The following PJA2 variants were observed in gnomAD, a reference collection of about 807,000 sequenced individuals.
The protein encoded by PJA2 is praja ring finger ubiquitin ligase 2, also known as E3 ubiquitin-protein ligase Praja-2.
In PJA2, 25 loss-of-function variants were observed where a neutral mutation model predicts 69.3. The ratio of observed to expected loss-of-function variants is 0.36; its 90% confidence interval spans 0.26 to 0.50. The LOEUF (loss-of-function observed/expected upper bound fraction) is 0.50, where lower values mean the gene tolerates loss of function less well. Ranked by LOEUF, PJA2 falls within the 20% of genes least tolerant of loss-of-function variation. PJA2 has a pLI of 0.96. For missense variants in PJA2, 809 were observed against 830.2 expected (o/e 0.97, Z 0.31); for synonymous variants, 308 against 277.8 (o/e 1.11, Z -1.08).
At position 109,337,271 on chromosome 5, in the gene PJA2, T is replaced by A. The variant is rs1389071727; in HGVS notation, c.2087A>T (p.Asp696Val). The A allele has an allele frequency of 6.2e-7, 1 of 1,613,592 alleles. No homozygotes were observed. The highest frequency in any genetic ancestry group is 8.5e-7 in the Non-Finnish European group (1 of 1,179,908). The change falls in exon 10 of 10, where the codon GAT becomes GTT. Residue 696 changes from aspartate to valine, a missense_variant. This residue lies in a region of PJA2 where 35 missense variants were observed against 37.0 expected (regional missense o/e 0.94). Transcript: ENST00000361189. The part of the protein sequence containing the change: ...SAAPSSEPDP[D>V]APPSNDSIAE... The stretch of plus-strand genomic sequence containing the variant: ...AATACTGTCATTTGAAGGTGGGGCA[T>A]CAGGATCAGGCTCAGAGGAAGGAGC...
chr5:109,368,302 G>A (rs1428518777), intron 5 of PJA2, among the ~76,000 whole-genome samples: 1 of 152,152 alleles, frequency 6.6e-6, no homozygotes, highest in African/African-American at 2.4e-5. Context: ...TAACCAAAAT[G>A]ACATTTTAGG....
chr5:109,367,394 A>T (rs1484097369), intron 5 of PJA2, among the ~76,000 whole-genome samples: 2 of 150,044 alleles, frequency 1.3e-5, no homozygotes, highest in Non-Finnish European at 1.5e-5. Context: ...TTCTTTTCCT[A>T]AAAAAAAACA....
Position 109,362,957 on chromosome 5 carries a change from C to T in PJA2, c.1535G>A (p.Ser512Asn), listed in dbSNP as rs1402132000. 2 of 1,613,842 alleles carry T rather than the reference C, an allele frequency of 1.2e-6. No homozygotes were observed. Among genetic ancestry groups the T allele is most frequent in the Admixed American group, 3.3e-5 (2 of 60,014 alleles). Residue 512 changes from serine to asparagine, a missense_variant, in exon 6 of 10, where the codon AGC becomes AAC. Ser to Asn is a conservative substitution (Grantham distance 46). This residue lies in a region of PJA2 where 700 missense variants were observed against 639.5 expected (regional missense o/e 1.09). Transcript: ENST00000361189. ...WLQYNEVNESSSDEGNEPANE... is the reference protein window; with the variant it reads ...WLQYNEVNESNSDEGNEPANE... ...GGCAGGTTCATTTCCCTCATCACTG[C>T]TGCTTTCATTGACTTCATTGTACTG...
At chr5:109,368,239 G>A (rs1373172651) in intron 5 of PJA2, among the ~76,000 whole-genome samples, 1 of 152,152 alleles carries the variant, frequency 6.6e-6, no homozygotes, top group Non-Finnish European at 1.5e-5. Flanking sequence ...TCCCTCTTGA[G>A]GCTGTCCTTT....
intron 7 of PJA2, among the ~76,000 whole-genome samples, chr5:109,350,973 TTC>T (rs779990893): frequency 1.3e-5 from 2 of 152,146 alleles, no homozygotes; most frequent in Non-Finnish European, 2.9e-5. Context: ...TGTTCTAACA[TTC>T]TGTTTATACT....
chr5:109,390,276 T>C (rs1383644087), intron 1 of PJA2, among the ~76,000 whole-genome samples: 1 of 152,030 alleles, frequency 6.6e-6, no homozygotes, highest in Non-Finnish European at 1.5e-5. Flanking sequence ...TGTGTTACTA[T>C]GTGAAAACAT....
At chr5:109,387,266 C>T (rs1561360896) in intron 1 of PJA2, among the ~76,000 whole-genome samples, 3 of 152,098 alleles carry the variant, frequency 2.0e-5, no homozygotes, top group South Asian at 2.1e-4. Flanking sequence ...TCTGTAGATA[C>T]TAATTATTTC....
intron 7 of PJA2, among the ~76,000 whole-genome samples, chr5:109,354,178 A>AG (rs1209613650): frequency 6.3e-5 from 9 of 143,846 alleles, no homozygotes; most frequent in Non-Finnish European, 1.2e-4. Flanking sequence ...ATGTCTATAG[A>AG]TTAGATATCT....
rs1746940355 is a variant in PJA2, at chr5:109,378,267, A to G, written c.1220T>C (p.Val407Ala). The G allele has an allele frequency of 1.9e-6, 3 of 1,613,788 alleles. No individual in the cohort carries two copies. Among genetic ancestry groups the G allele is most frequent in the Admixed American group, 1.7e-5 (1 of 59,980 alleles). Residue 407 changes from valine to alanine, a missense_variant, in exon 4 of 10, where the codon GTG becomes GCG. Coordinates refer to ENST00000361189, the MANE Select transcript of PJA2 (RefSeq NM_014819.5). ...ESGATAGRQE[V>A]DNTFWNGCGD... ...ACAGCCATTCCAAAAGGTGTTATCC[A>G]CCTCTTGCCTTCCTGCTGTGGCTCC...
chr5:109,401,616 A>G (rs1331344308), intron 1 of PJA2, among the ~76,000 whole-genome samples: 3 of 152,232 alleles, frequency 2.0e-5, no homozygotes, highest in African/African-American at 7.2e-5. Context: ...ATATTAGAAA[A>G]ACACTGTGAA....
chr5:109,354,603 C>T (rs1381910147), intron 7 of PJA2, among the ~76,000 whole-genome samples: 14 of 138,250 alleles, frequency 1.0e-4, no homozygotes, highest in Admixed American at 8.1e-4. Context: ...TATTACATAT[C>T]GATATCTAAT....
intron 2 of PJA2, among the ~76,000 whole-genome samples, 186 bp from the exon 3 acceptor site, chr5:109,381,889 C>T (rs1286693958): frequency 6.6e-6 from 1 of 152,080 alleles, no homozygotes; most frequent in East Asian, 1.9e-4. Context: ...ATATGAAGTA[C>T]TATATAATAA....
intron 5 of PJA2, among the ~76,000 whole-genome samples, chr5:109,367,818 A>T (rs981496673): frequency 2.0e-5 from 3 of 152,244 alleles, no homozygotes; most frequent in Non-Finnish European, 4.4e-5. Context: ...ATTCTTCATG[A>T]TCAGGGCAAA....
chr5:109,361,126 TCAAACAAA>T lies in PJA2; in HGVS notation c.1652+1706_1652+1713del, dbSNP rs373916816. Among the ~76,000 whole-genome samples, 1,053 of 152,268 alleles carry T rather than the reference TCAAACAAA, an allele frequency of 6.9e-3. 11 individuals are homozygous for T. Among genetic ancestry groups the T allele is most frequent in the African/African-American group, 0.024 (996 of 41,558 alleles). On this transcript the variant is annotated intron_variant, in intron 6 of 9. Transcript: ENST00000361189. Reference sequence around the variant, plus strand: ...CTGGGCAACAGAACGAGACTCCATCTCAAACAAACAAACAAATTATATTCAGTAAAGAC... The same window carrying T: ...CTGGGCAACAGAACGAGACTCCATCTCAAACAAATTATATTCAGTAAAGAC...
chr5:109,354,390 C>G (rs62643556), intron 7 of PJA2, among the ~76,000 whole-genome samples: 9 of 74,856 alleles, frequency 1.2e-4, no homozygotes, highest in South Asian at 6.9e-4. Context: ...TTAGATATCT[C>G]TGATATCTAG....
intron 9 of PJA2, among the ~76,000 whole-genome samples, chr5:109,338,762 A>G (rs1381716450): frequency 6.6e-6 from 1 of 152,186 alleles, no homozygotes; most frequent in Non-Finnish European, 1.5e-5. Flanking sequence ...GATGAACTAC[A>G]TACTAGCTAT....
intron 9 of PJA2, among the ~76,000 whole-genome samples, chr5:109,342,304 GC>G (rs1277706692): frequency 7.0e-5 from 8 of 113,530 alleles, no homozygotes; most frequent in Admixed American, 5.7e-4. Flanking sequence ...TGCCCGGCCA[GC>G]CGCCCTGTCC....
At chr5:109,394,381 T>C (rs182658470) in intron 1 of PJA2, among the ~76,000 whole-genome samples, 2 of 152,250 alleles carry the variant, frequency 1.3e-5, no homozygotes, top group African/African-American at 2.4e-5. Flanking sequence ...GGTGTTTATA[T>C]TGACTTCAGC....
chr5:109,392,839 CA>C (rs1747313918), intron 1 of PJA2, among the ~76,000 whole-genome samples: 1 of 152,216 alleles, frequency 6.6e-6, no homozygotes, highest in South Asian at 2.1e-4. Context: ...CTGTTTCCCA[CA>C]AAATGCAAAA....
Sources: allele counts gnomAD v4.1 joint callset (sites outside exome capture counted in the v4.1 genomes callset), GRCh38; gene constraint gnomAD v4.1.1; regional missense constraint gnomAD v4.1.1; transcripts MANE v1.5; gene names NCBI Gene and HGNC (gene_info 2026-07-23, HGNC 2026-07-21).